The following DGKI variants were observed in gnomAD, a reference collection of about 807,000 sequenced individuals.
DGKI encodes DAG kinase iota.
A neutral mutation model predicts 147.5 loss-of-function variants in DGKI; 55 were observed. The observed-to-expected ratio is 0.37, with a 90% confidence interval of 0.30 to 0.47. The LOEUF (loss-of-function observed/expected upper bound fraction) is 0.47. Ranked by LOEUF, DGKI falls within the 20% of genes least tolerant of loss-of-function variation. DGKI has a pLI of 1.00. For synonymous variants in DGKI, 469 were observed against 477.1 expected (o/e 0.98, Z 0.22); for missense variants, 1,007 against 1,323.8 (o/e 0.76, Z 3.71).
chr7:137,706,872 G>A (rs902354164), intron 1 of DGKI, among the ~76,000 whole-genome samples: 9 of 151,920 alleles, frequency 5.9e-5, no homozygotes, highest in African/African-American at 1.9e-4. Context: ...ACACCCCGCC[G>A]AAACACCCTT....
chr7:137,585,724 G>A (rs1819370256), intron 13 of DGKI, among the ~76,000 whole-genome samples: 1 of 152,156 alleles, frequency 6.6e-6, no homozygotes, highest in African/African-American at 2.4e-5. Context: ...TGGAGAGGCA[G>A]GGAAAGAATC....
chr7:137,687,542 T>G (rs1823461417), intron 2 of DGKI, among the ~76,000 whole-genome samples: 1 of 152,196 alleles, frequency 6.6e-6, no homozygotes, highest in Non-Finnish European at 1.5e-5. Flanking sequence ...GTAATACAAG[T>G]AATCTAGTTT....
At chr7:137,593,310 G>A (rs918214605) in intron 12 of DGKI, among the ~76,000 whole-genome samples, 1 of 152,174 alleles carries the variant, frequency 6.6e-6, no homozygotes, top group African/African-American at 2.4e-5. Context: ...TCATGTGCTC[G>A]TCAATATTTC....
intron 1 of DGKI, among the ~76,000 whole-genome samples, chr7:137,837,720 C>T (rs968638240): frequency 1.3e-5 from 2 of 152,280 alleles, no homozygotes; most frequent in African/African-American, 4.8e-5. Context: ...CATGTTGGTG[C>T]CCTGATCTCA....
intron 19 of DGKI, among the ~76,000 whole-genome samples, chr7:137,568,587 G>T (rs1393453053): frequency 2.0e-5 from 3 of 152,210 alleles, no homozygotes. Flanking sequence ...GAAGTGGGCA[G>T]TCGCTGTATT....
intron 15 of DGKI, among the ~76,000 whole-genome samples, chr7:137,579,237 T>C (rs1819094476): frequency 6.6e-6 from 1 of 152,068 alleles, no homozygotes; most frequent in Non-Finnish European, 1.5e-5. Flanking sequence ...ACAGTGCCTG[T>C]GTTGGAAAAC....
chr7:137,582,434 C>CTCTCTA (rs954743154), intron 14 of DGKI, among the ~76,000 whole-genome samples: 1,526 of 148,292 alleles, frequency 0.01, 21 homozygotes, highest in South Asian at 0.03. Context: ...CTCTCTCTCT[C>CTCTCTA]TATATATATA....
At chr7:137,569,026 G>C (rs1818689440) in intron 19 of DGKI, among the ~76,000 whole-genome samples, 1 of 152,104 alleles carries the variant, frequency 6.6e-6, no homozygotes, top group Admixed American at 6.5e-5. Context: ...ATTTCAGAGA[G>C]AGAGAGCACA....
intron 21 of DGKI, among the ~76,000 whole-genome samples, chr7:137,498,808 A>C (rs1381841101): frequency 6.6e-6 from 1 of 152,206 alleles, no homozygotes; most frequent in Non-Finnish European, 1.5e-5. Flanking sequence ...ACCCCCTGAC[A>C]TGCTCTGCCT....
intron 20 of DGKI, among the ~76,000 whole-genome samples, chr7:137,532,371 T>C (rs1817370946): frequency 6.6e-6 from 1 of 152,186 alleles, no homozygotes; most frequent in Admixed American, 6.5e-5. Context: ...TCTTAAATGG[T>C]TTTAGCCCTT....
Position 137,485,356 on chromosome 7 carries a change from GA to G in DGKI, c.2373+17del. On this transcript the variant is annotated intron_variant, in intron 23 of 32. Coordinates refer to ENST00000614521, the MANE Select transcript of DGKI (RefSeq NM_001321708.2). ...TTGGCCAGAAGGTAAGAAACAAGGA[GA>G]GTCAATTATTTGTTACCTGGTAATG... is the stretch of plus-strand genomic sequence containing the variant. 1.3e-6 allele frequency: 2 copies of G among 1,594,750 alleles called. No homozygotes were observed. The highest frequency in any genetic ancestry group is 1.7e-6 in the Non-Finnish European group (2 of 1,166,270).
chr7:137,753,279 G>T (rs940981685), intron 1 of DGKI, among the ~76,000 whole-genome samples: 13 of 152,202 alleles, frequency 8.5e-5, no homozygotes, highest in African/African-American at 3.1e-4. Flanking sequence ...AAATGGCCAG[G>T]ATACTTCCAG....
At chr7:137,465,365 T>G (rs892194068) in intron 26 of DGKI, among the ~76,000 whole-genome samples, 1 of 152,204 alleles carries the variant, frequency 6.6e-6, no homozygotes, top group African/African-American at 2.4e-5. Context: ...GCCAAACAAT[T>G]CTCTGAGTGA....
intron 3 of DGKI, among the ~76,000 whole-genome samples, chr7:137,663,985 G>A (rs1390463425): frequency 1.3e-5 from 2 of 152,148 alleles, no homozygotes; most frequent in South Asian, 2.1e-4. Flanking sequence ...AACCCCCACC[G>A]GGACATAGAC....
chr7:137,766,494 G>C (rs1796017430), intron 1 of DGKI, among the ~76,000 whole-genome samples: 1 of 152,188 alleles, frequency 6.6e-6, no homozygotes, highest in Admixed American at 6.5e-5. Context: ...TTAGCACAAA[G>C]AAAGTTACAA....
intron 1 of DGKI, among the ~76,000 whole-genome samples, chr7:137,830,176 C>T (rs75864870): frequency 0.013 from 1,962 of 152,324 alleles, 41 homozygotes; most frequent in African/African-American, 0.044. Flanking sequence ...ATTTGTTAAA[C>T]TGGCAGTCTG....
chr7:137,766,483 A>G (rs1413055911), intron 1 of DGKI, among the ~76,000 whole-genome samples: 1 of 152,258 alleles, frequency 6.6e-6, no homozygotes, highest in Non-Finnish European at 1.5e-5. Context: ...TTACTAACCT[A>G]TTAGCACAAA....
chr7:137,443,235 G>C (rs893753773), intron 28 of DGKI, among the ~76,000 whole-genome samples: 2 of 152,102 alleles, frequency 1.3e-5, no homozygotes, highest in East Asian at 1.9e-4. Context: ...CACAATTATT[G>C]GTCGGCTGGA....
chr7:137,800,907 G>A (rs897360156), intron 1 of DGKI, among the ~76,000 whole-genome samples: 14 of 152,142 alleles, frequency 9.2e-5, no homozygotes, highest in African/African-American at 3.4e-4. Context: ...GTAAAGTTTG[G>A]TAGCTAAATA....
Sources: gnomAD v4.1 joint callset for allele counts (sites outside exome capture counted in the v4.1 genomes callset) on GRCh38, gnomAD v4.1.1 for gene constraint, MANE v1.5 for transcripts, NCBI Gene and HGNC (gene_info 2026-07-23, HGNC 2026-07-21) for gene names.